PIP4K2A: variants seen among roughly 807,000 people sequenced by gnomAD.
The protein encoded by PIP4K2A is phosphatidylinositol 5-phosphate 4-kinase type-2 alpha.
In PIP4K2A, 14 loss-of-function variants were observed where a neutral mutation model predicts 42.9. The observed-to-expected ratio is 0.33, with a 90% CI of 0.22 to 0.51. PIP4K2A has a LOEUF of 0.51. PIP4K2A is among the 20% of genes least tolerant of loss of function. PIP4K2A has a pLI of 0.97. For missense variants in PIP4K2A, 434 were observed against 519.8 expected (o/e 0.83, Z 1.61); for synonymous variants, 192 against 192.2 (o/e 1.00, Z 0.01).
intron 9 of PIP4K2A, among the ~76,000 whole-genome samples, chr10:22,537,701 C>G (rs1835972619): frequency 6.6e-6 from 1 of 152,194 alleles, no homozygotes. Context: ...AAAGGGAAAC[C>G]TTAATGACGA....
In PIP4K2A at chr10:22,534,864, C is replaced by T. The variant is rs953217000; in HGVS notation, c.*2337G>A. On this transcript the variant is annotated 3_prime_UTR_variant, in exon 10 of 10. Coordinates refer to ENST00000376573, the MANE Select transcript of PIP4K2A (RefSeq NM_005028.5). ...TAGAAACTAAAAAGATTCAATTCCA[C>T]TTTCATTTCTTCAAGGATTAGCTAA... 2 of 152,152 alleles carry T rather than the reference C, an allele frequency of 1.3e-5. No homozygotes were observed. Among genetic ancestry groups the T allele is most frequent in the African/African-American group, 4.8e-5 (2 of 41,434 alleles). The allele number at this position is 152,152 out of a possible 1,614,324, so 9.4% of individuals were successfully genotyped here. A position where few individuals can be genotyped will look rare whatever the true frequency, so the allele number is the denominator to read the frequency against.
At position 22,539,922 on chromosome 10, in the gene PIP4K2A, A is replaced by AGAGAGAGAGAGG. The variant is rs1564411087; in HGVS notation, c.1140+48_1140+49insCCTCTCTCTCTC. 1.1e-5 allele frequency: 11 copies of AGAGAGAGAGAGG among 982,016 alleles called. No individual in the cohort carries two copies. The African/African-American group carries it at 1.8e-4, about 16-fold the overall frequency. 60.8% of individuals were successfully genotyped at this position (982,016 alleles called of 1,614,324 possible). On this transcript the variant is annotated intron_variant, in intron 9 of 9. Coordinates refer to ENST00000376573, the MANE Select transcript of PIP4K2A (RefSeq NM_005028.5). ...GAGAGAGAGAGAGAGGGAGAGAGAG[A>AGAGAGAGAGAGG]GAGAGAGAGGGAGAGAAAGAGAGAA...
chr10:22,615,213 C>T (rs1838147190), intron 1 of PIP4K2A, among the ~76,000 whole-genome samples: 1 of 152,150 alleles, frequency 6.6e-6, no homozygotes, highest in Admixed American at 6.5e-5. Flanking sequence ...CTCAAGCAGT[C>T]CTCCTGCCTC....
At chr10:22,604,361 A>G (rs2130842067) in intron 3 of PIP4K2A, among the ~76,000 whole-genome samples, 1 of 152,080 alleles carries the variant, frequency 6.6e-6, no homozygotes. Context: ...TACTTTTTTC[A>G]GGTGTAGCAA....
intron 1 of PIP4K2A, among the ~76,000 whole-genome samples, chr10:22,632,774 G>A (rs1838575373): frequency 6.6e-6 from 1 of 152,156 alleles, no homozygotes; most frequent in African/African-American, 2.4e-5. Context: ...AAAAAAGGTA[G>A]GGGGAAATAG....
intron 6 of PIP4K2A, among the ~76,000 whole-genome samples, chr10:22,561,059 G>A (rs1003263905): frequency 4.6e-5 from 7 of 152,206 alleles, no homozygotes; most frequent in Non-Finnish European, 8.8e-5. Context: ...TGAAAAGATC[G>A]ACCACCAGGG....
At chr10:22,675,835 T>C (rs1000551036) in intron 1 of PIP4K2A, among the ~76,000 whole-genome samples, 5 of 152,186 alleles carry the variant, frequency 3.3e-5, no homozygotes, top group Non-Finnish European at 7.4e-5. Context: ...GCTGTCATCC[T>C]TGAACAACAC....
At position 22,584,428 on chromosome 10, in the gene PIP4K2A, A is replaced by G. The variant is rs138359025; in HGVS notation, c.492+7201T>C. ...GAGATGTTTGGAGATGGAAAATGGA[A>G]AAGAAAAGTTAAAGATGGGGAAGCC... On this transcript the variant is annotated intron_variant, in intron 4 of 9. Coordinates refer to ENST00000376573, the MANE Select transcript of PIP4K2A (RefSeq NM_005028.5). Among the ~76,000 whole-genome samples the G allele has an allele frequency of 2.5e-3, 386 of 152,328 alleles. 1 individual carries two copies. The highest frequency in any genetic ancestry group is 0.02 in the Middle Eastern group (6 of 294).
In PIP4K2A at chr10:22,705,021, G is replaced by A. The variant is rs535509233; in HGVS notation, c.144+9162C>T. On this transcript the variant is annotated intron_variant, in intron 1 of 9. Transcript: ENST00000376573. ...CTGTCCAAAATTTAGATGGGATGGT[G>A]GGAAGAGTGGAAGCTGACGGCTTCT... Among the ~76,000 whole-genome samples, 14 of 152,118 alleles carry A rather than the reference G, an allele frequency of 9.2e-5. No homozygotes were observed. The East Asian group carries it at 2.5e-3, about 27-fold the overall frequency.
chr10:22,574,977 G>A (rs985255103), intron 4 of PIP4K2A, among the ~76,000 whole-genome samples: 13 of 152,118 alleles, frequency 8.5e-5, no homozygotes, highest in East Asian at 1.9e-4. Context: ...TAGAGAGAAC[G>A]TAGGTTTGCG....
intron 1 of PIP4K2A, among the ~76,000 whole-genome samples, chr10:22,695,758 T>C (rs2130907009): frequency 6.6e-6 from 1 of 152,312 alleles, no homozygotes; most frequent in African/African-American, 2.4e-5. Flanking sequence ...ATATCATCTC[T>C]AGTCCATGTG....
intron 1 of PIP4K2A, among the ~76,000 whole-genome samples, chr10:22,613,075 C>T (rs1750750): frequency 0.54 from 82,646 of 151,884 alleles, 24,530 homozygotes; most frequent in East Asian, 0.87. Flanking sequence ...AAGCACAGGG[C>T]CACCCAATGG....
intron 1 of PIP4K2A, among the ~76,000 whole-genome samples, chr10:22,648,987 T>TA (rs1838940246): frequency 6.6e-6 from 1 of 152,210 alleles, no homozygotes; most frequent in African/African-American, 2.4e-5. Context: ...TGATTTCCCA[T>TA]AAAATACCAG....
intron 1 of PIP4K2A, among the ~76,000 whole-genome samples, chr10:22,654,176 C>T (rs1178565638): frequency 1.3e-5 from 2 of 152,172 alleles, no homozygotes; most frequent in Admixed American, 1.3e-4. Context: ...TTGAAAAACA[C>T]ATGTTTCCGT....
intron 1 of PIP4K2A, among the ~76,000 whole-genome samples, chr10:22,620,067 T>C (rs1588668160): frequency 6.6e-6 from 1 of 152,214 alleles, no homozygotes; most frequent in Non-Finnish European, 1.5e-5. Flanking sequence ...AAAATTAAAA[T>C]GTCATCAGAA....
chr10:22,660,242 G>A (rs1251927149), intron 1 of PIP4K2A, among the ~76,000 whole-genome samples: 6 of 152,140 alleles, frequency 3.9e-5, no homozygotes, highest in East Asian at 1.9e-4. Context: ...AGACCAAGGC[G>A]GGCGGATTGC....
intron 1 of PIP4K2A, among the ~76,000 whole-genome samples, chr10:22,670,638 T>C (rs1173049585): frequency 1.3e-5 from 2 of 152,176 alleles, no homozygotes; most frequent in African/African-American, 4.8e-5. Context: ...TAATATGTTA[T>C]TTACATAATT....
chr10:22,651,787 C>A (rs1839001826), intron 1 of PIP4K2A, among the ~76,000 whole-genome samples: 1 of 152,214 alleles, frequency 6.6e-6, no homozygotes, highest in African/African-American at 2.4e-5. Flanking sequence ...TGCAGGGTGC[C>A]AAGGACAGAT....
intron 1 of PIP4K2A, among the ~76,000 whole-genome samples, chr10:22,640,527 G>A (rs1025995259): frequency 1.3e-5 from 2 of 152,172 alleles, no homozygotes; most frequent in Admixed American, 6.5e-5. Context: ...GCCCCACAAA[G>A]GGCTCCGGGA....
Sources: allele counts gnomAD v4.1 joint callset (sites outside exome capture counted in the v4.1 genomes callset), GRCh38; gene constraint gnomAD v4.1.1; transcripts MANE v1.5; gene names NCBI Gene and HGNC (gene_info 2026-07-23, HGNC 2026-07-21).